CYP2B6: variants seen among roughly 807,000 people sequenced by gnomAD.
The protein encoded by CYP2B6 is cytochrome P450 family 2 subfamily B member 6, also known as cytochrome P450 2B6.
In CYP2B6, 35 loss-of-function variants were observed where a neutral mutation model predicts 43.4. The ratio of observed to expected loss-of-function variants is 0.81; its 90% CI spans 0.62 to 1.07. CYP2B6 has a LOEUF of 1.07. Ranked by LOEUF, CYP2B6 falls within the 50% of genes least tolerant of loss-of-function variation. The probability of loss-of-function intolerance (pLI) is 0.00; values close to 1 mark genes in which losing one functional copy is unlikely to be tolerated. For missense variants in CYP2B6, 624 were observed against 632.8 expected (o/e 0.99, Z 0.15); for synonymous variants, 239 against 239.2 (o/e 1.00, Z 0.01).
chr19:41,016,936 C>A lies in CYP2B6; in HGVS notation c.*109C>A. The A allele has an allele frequency of 5.0e-6, 6 of 1,192,208 alleles. No homozygotes were observed. Among genetic ancestry groups the A allele is most frequent in the Non-Finnish European group, 7.1e-6 (6 of 845,032 alleles). 73.9% of individuals were successfully genotyped at this position (1,192,208 alleles called of 1,614,324 possible). A position where few individuals can be genotyped will look rare whatever the true frequency, so the allele number is the denominator to read the frequency against. Reference sequence around the variant, plus strand: ...CTTCCTGCCTCTGAGAGACCTGCTACAAGCCAGCTTCCTTCCCCTCCATGG... The same window carrying A: ...CTTCCTGCCTCTGAGAGACCTGCTAAAAGCCAGCTTCCTTCCCCTCCATGG... On this transcript the variant is annotated 3_prime_UTR_variant, in exon 9 of 9. Transcript: ENST00000324071.
rs956669547 is a variant in CYP2B6, at chr19:40,996,520, T to C, written c.171+5044T>C. Among the ~76,000 whole-genome samples the C allele has an allele frequency of 1.1e-4, 17 of 152,208 alleles. 1 individual carries two copies. The highest frequency in any genetic ancestry group is 3.9e-4 in the African/African-American group (16 of 41,428). On this transcript the variant is annotated intron_variant, in intron 1 of 8. Coordinates refer to ENST00000324071, the MANE Select transcript of CYP2B6 (RefSeq NM_000767.5). ...TTAACTCCAGCTTCAAGTGTTCAAA[T>C]GATCTACCAAGTGCCAGAAATATAT...
chr19:41,009,916 A>T (rs765561337), intron 5 of CYP2B6, 78 bp from the exon 6 acceptor site: 1 of 1,588,768 alleles, frequency 6.3e-7, no homozygotes, highest in Non-Finnish European at 8.6e-7. Flanking sequence ...AACGGAGGGC[A>T]GCCAGGGAGA....
chr19:41,004,902 C>A (rs2144668111), intron 3 of CYP2B6, among the ~76,000 whole-genome samples: 1 of 151,936 alleles, frequency 6.6e-6, no homozygotes, highest in Admixed American at 6.6e-5. Flanking sequence ...TAAGGTGGGA[C>A]TACAGGATCA....
chr19:41,015,605 G>T (rs549956785), intron 8 of CYP2B6, among the ~76,000 whole-genome samples: 1 of 152,192 alleles, frequency 6.6e-6, no homozygotes, highest in East Asian at 1.9e-4. Context: ...ATCTACTGGG[G>T]GTTCCTTGCA....
intron 5 of CYP2B6, 142 bp downstream of exon 5, chr19:41,009,537 G>A: frequency 2.2e-6 from 2 of 905,556 alleles, no homozygotes; most frequent in South Asian, 3.0e-5. Flanking sequence ...GGGAAAGGGA[G>A]GAGAGAACAT....
chr19:41,006,395 C>T (rs542483328), intron 3 of CYP2B6, among the ~76,000 whole-genome samples: 207 of 138,778 alleles, frequency 1.5e-3, no homozygotes, highest in African/African-American at 5.4e-3. Flanking sequence ...AATTCCTGAT[C>T]CTTTTGAATC....
intron 4 of CYP2B6, among the ~76,000 whole-genome samples, chr19:41,008,896 G>A (rs1969235000): frequency 6.6e-6 from 1 of 151,726 alleles, no homozygotes; most frequent in Non-Finnish European, 1.5e-5. Context: ...AAAAGTATGA[G>A]AAAGACAAAT....
chr19:41,010,004 A>G lies in CYP2B6; in HGVS notation c.833A>G (p.Asn278Ser), dbSNP rs200340276. Residue 278 changes from asparagine to serine, a missense_variant, in exon 6 of 9, where the codon AAC (asparagine) becomes AGC (serine). By Grantham distance (46) the Asn-to-Ser change is conservative. Coordinates refer to ENST00000324071, the MANE Select transcript of CYP2B6 (RefSeq NM_000767.5). ...YLLHMEKEKSNAHSEFSHQNL... is the reference protein window; with the variant it reads ...YLLHMEKEKSSAHSEFSHQNL... ...CTACTGTGGACGCAGGAGAAATCCA[A>G]CGCACACAGTGAATTCAGCCACCAG... 1 of 1,614,030 alleles carries G rather than the reference A, an allele frequency of 6.2e-7. No homozygotes were observed. The highest frequency in any genetic ancestry group is 2.2e-5 in the East Asian group (1 of 44,870).
Position 41,009,244 on chromosome 19 carries a change from T to C in CYP2B6, c.671T>C (p.Leu224Ser), listed in dbSNP as rs753698317. ...CTGTTTGAGCTCTTCTCTGGCTTCT[T>C]GAAATACTTTCCTGGGGCACACAGG... ...GQLFELFSGF[L>S]KYFPGAHRQV... Residue 224 changes from leucine (L) to serine (S), a missense_variant, in exon 5 of 9, where the codon TTG becomes TCG. Leu to Ser is a moderately radical substitution (Grantham distance 145). Transcript: ENST00000324071. 3.1e-6 allele frequency: 5 copies of C among 1,612,734 alleles called. No individual in the cohort carries two copies.
intron 8 of CYP2B6, among the ~76,000 whole-genome samples, chr19:41,013,401 G>T (rs36118214): frequency 8.5e-5 from 13 of 152,256 alleles, no homozygotes; most frequent in East Asian, 7.7e-4. Flanking sequence ...TGGTGGGTCC[G>T]TAAGGAAAAG....
intron 1 of CYP2B6, among the ~76,000 whole-genome samples, chr19:40,992,136 AG>A (rs1366435997): frequency 6.8e-6 from 1 of 147,896 alleles, no homozygotes; most frequent in Non-Finnish European, 1.5e-5. Context: ...CAGGAGGCAG[AG>A]GTTGCAGTGA....
chr19:41,017,988 G>T lies in CYP2B6; in HGVS notation c.*1161G>T, dbSNP rs1470434407. 1 of 152,054 alleles carries T rather than the reference G, an allele frequency of 6.6e-6. No individual in the cohort carries two copies. 9.4% of individuals were successfully genotyped at this position (152,054 alleles called of 1,614,324 possible). On this transcript the variant is annotated 3_prime_UTR_variant, in exon 9 of 9. Transcript: ENST00000324071. Reference sequence around the variant, plus strand: ...CCAGTCTCAGCTCCCAAGTAGCTGGGATTACAGGCATGTACTACCATGCCT... The same window carrying T: ...CCAGTCTCAGCTCCCAAGTAGCTGGTATTACAGGCATGTACTACCATGCCT...
intron 1 of CYP2B6, among the ~76,000 whole-genome samples, chr19:40,995,247 G>A (rs909100173): frequency 2.0e-5 from 3 of 152,104 alleles, no homozygotes; most frequent in Non-Finnish European, 4.4e-5. Context: ...AACTGCTTCT[G>A]GGGAAAAACT....
At chr19:40,991,632 T>TA (rs1353007761) in intron 1 of CYP2B6, among the ~76,000 whole-genome samples, 156 bp downstream of exon 1, 1 of 151,944 alleles carries the variant, frequency 6.6e-6, no homozygotes, top group Non-Finnish European at 1.5e-5. Context: ...TGGGTGGTAT[T>TA]ATTAGGAGAA....
chr19:41,001,461 A>G (rs1424383059), intron 1 of CYP2B6, among the ~76,000 whole-genome samples: 6 of 152,030 alleles, frequency 3.9e-5, no homozygotes, highest in Non-Finnish European at 7.4e-5. Flanking sequence ...CCATTTCCCA[A>G]TAAGCTTCCA....
At chr19:41,013,300 A>G (rs113026499) in intron 8 of CYP2B6, among the ~76,000 whole-genome samples, 1,656 of 152,138 alleles carry the variant, frequency 0.011, 29 homozygotes, top group African/African-American at 0.037. Context: ...CATGCTCACA[A>G]GGGCAATTAT....
intron 1 of CYP2B6, among the ~76,000 whole-genome samples, chr19:40,998,696 T>G (rs1367732746): frequency 7.1e-6 from 1 of 140,980 alleles, no homozygotes; most frequent in Non-Finnish European, 1.5e-5. Context: ...GTTCTTGCGA[T>G]AGTTTACTGA....
At chr19:41,001,501 C>T (rs1456975043) in intron 1 of CYP2B6, among the ~76,000 whole-genome samples, 2 of 152,090 alleles carry the variant, frequency 1.3e-5, no homozygotes, top group Admixed American at 1.3e-4. Flanking sequence ...GGGATGTGGG[C>T]TCGTGTCTCA....
In CYP2B6 at chr19:41,004,385, T is replaced by A; in HGVS notation, c.423T>A (p.Ser141Arg). The A allele has an allele frequency of 3.1e-6, 5 of 1,613,112 alleles. No homozygotes were observed. The highest frequency in any genetic ancestry group is 3.4e-6 in the Non-Finnish European group (4 of 1,179,848). Residue 141 changes from serine (S) to arginine (R), a missense_variant, in exon 3 of 9, where the codon AGT becomes AGA. Physicochemically the swap from Ser to Arg is moderately radical, Grantham distance 110. Coordinates refer to ENST00000324071, the MANE Select transcript of CYP2B6 (RefSeq NM_000767.5). Reference protein sequence around the residue: ...TMRDFGMGKRSVEERIQEEAQ... With the variant: ...TMRDFGMGKRRVEERIQEEAQ... Reference sequence around the variant, plus strand: ...GGGACTTCGGGATGGGAAAGCGGAGTGTGGAGGAGCGGATTCAGGAGGAGG... The same window carrying A: ...GGGACTTCGGGATGGGAAAGCGGAGAGTGGAGGAGCGGATTCAGGAGGAGG...
Sources: allele counts gnomAD v4.1 joint callset (sites outside exome capture counted in the v4.1 genomes callset), GRCh38; gene constraint gnomAD v4.1.1; transcripts MANE v1.5; gene names NCBI Gene and HGNC (gene_info 2026-07-23, HGNC 2026-07-21).